Variants in DNAH1 observed in about 807,000 individuals in gnomAD.
DNAH1 encodes the protein dynein axonemal heavy chain 1.
Under a neutral mutation model 484.3 loss-of-function variants are expected in DNAH1, and 327 were observed. That is an observed-to-expected ratio of 0.68 (90% CI 0.62 to 0.74). The LOEUF is 0.74. Among genes scored for constraint, DNAH1 ranks in the 30% least tolerant of loss-of-function variants. The pLI is 0.00. For missense variants in DNAH1, 5,052 were observed against 5,546.8 expected, an observed-to-expected ratio of 0.91 and a Z score of 2.83; for synonymous variants, 2,192 against 2,191.9, an observed-to-expected ratio of 1.00 and a Z score of 0.00.
chr3:52,335,929 C>T lies in DNAH1; in HGVS notation c.1286+3535C>T, dbSNP rs567765991. On this transcript the variant is annotated intron_variant, in intron 8 of 77. Coordinates refer to ENST00000420323, the MANE Select transcript of DNAH1 (RefSeq NM_015512.5). ...GATTACAGGCCTGAGCCACCGCACC[C>T]GGCCCCTTTTTCCCATTTTTTAAAT... Among the ~76,000 whole-genome samples, 61 of 152,302 alleles carry T rather than the reference C, an allele frequency of 4.0e-4. 1 individual carries two copies. The highest frequency in any genetic ancestry group is 1.4e-3 in the African/African-American group (57 of 41,556).
rs377744924 is a variant in DNAH1, at chr3:52,373,029, G to A, written c.6961G>A (p.Gly2321Ser). 6 of 1,612,520 alleles carry A rather than the reference G, an allele frequency of 3.7e-6. No homozygotes were observed. The highest frequency in any genetic ancestry group is 1.3e-5 in the African/African-American group (1 of 74,926). Residue 2321 changes from glycine (G) to serine (S), a missense_variant, in exon 44 of 78, where the codon GGC (glycine) becomes AGC (serine). By Grantham distance (56) the Gly-to-Ser change is moderately conservative (BLOSUM62 0). Transcript: ENST00000420323. ...GTTGCGCCAGTGGATGGACCACGGC[G>A]GCTGGTACGACCGCAAGATCATTGG... ...ELLRQWMDHG[G>S]WYDRKIIGAF...
chr3:52,318,574 G>A (rs1200943977), intron 1 of DNAH1, among the ~76,000 whole-genome samples: 1 of 152,248 alleles, frequency 6.6e-6, no homozygotes, highest in African/African-American at 2.4e-5. Context: ...GGCACCAGCT[G>A]TGTGCCAAGC....
At position 52,332,528 on chromosome 3, in the gene DNAH1, C is replaced by G; in HGVS notation, c.1286+134C>G. ...TTGAGACTGTCCTGGCTATTGCCCT[C>G]TGGACTTGTTGGGGCCTCAAACAAT... On this transcript the variant is annotated intron_variant, in intron 8 of 77. Transcript: ENST00000420323. 3 of 1,349,822 alleles carry G rather than the reference C, an allele frequency of 2.2e-6. No homozygotes were observed. In the South Asian group the frequency reaches 4.4e-5, roughly 20 times the overall value. 83.6% of individuals were successfully genotyped at this position (1,349,822 alleles called of 1,614,324 possible).
chr3:52,325,465 T>G (rs1342537519), intron 3 of DNAH1, among the ~76,000 whole-genome samples: 3 of 152,094 alleles, frequency 2.0e-5, no homozygotes, highest in African/African-American at 7.2e-5. Context: ...TCTCCCCACC[T>G]CTGTGGTCTC....
At chr3:52,373,102 C>A in intron 44 of DNAH1, 49 bp downstream of exon 44, 2 of 1,552,600 alleles carry the variant, frequency 1.3e-6, no homozygotes, top group South Asian at 1.2e-5. Context: ...GCGTGCTGTG[C>A]AGGGGCACAG....
At chr3:52,372,513 GC>G in intron 43 of DNAH1, 126 bp downstream of exon 43, 1 of 1,306,348 alleles carries the variant, frequency 7.7e-7, no homozygotes, top group Non-Finnish European at 1.0e-6. Context: ...GGAGCTGACA[GC>G]CCCCCAATGG....
At chr3:52,338,864 A>G (rs1479438186) in intron 8 of DNAH1, among the ~76,000 whole-genome samples, 1 of 150,506 alleles carries the variant, frequency 6.6e-6, no homozygotes, top group African/African-American at 2.4e-5. Context: ...CATCTCTACT[A>G]AAAATACAAA....
Position 52,360,435 on chromosome 3 carries a change from C to A in DNAH1, c.4685+11C>A. 3 of 1,605,296 alleles carry A rather than the reference C, an allele frequency of 1.9e-6. No individual in the cohort carries two copies. The highest frequency in any genetic ancestry group is 2.6e-6 in the Non-Finnish European group (3 of 1,172,776). On this transcript the variant is annotated intron_variant, in intron 28 of 77. Coordinates refer to ENST00000420323, the MANE Select transcript of DNAH1 (RefSeq NM_015512.5). ...GCCCCTCACCGACAGGTAAGCGTTC[C>A]CCTCTTGCTCCTTCCCACACTGAGA...
rs375094563 is a variant in DNAH1, at chr3:52,363,062, C to A, written c.5162C>A (p.Ser1721Tyr). The stretch of plus-strand genomic sequence containing the variant: ...ATGATCACTGAGATCTCCCTCTATT[C>A]CTTTGGCTTTAATGAGGCCAGTGTG... ...YAMITEISLY[S>Y]FGFNEASVLA... Residue 1721 changes from serine to tyrosine, a missense_variant, in exon 32 of 78, where the codon TCC (serine) becomes TAC (tyrosine). Ser to Tyr is a moderately radical substitution (Grantham distance 144, BLOSUM62 -2). This residue lies in a region of DNAH1 where 2,929 missense variants were observed against 3,409.4 expected (regional missense o/e 0.86). Transcript: ENST00000420323. The A allele has an allele frequency of 1.6e-4, 266 of 1,613,886 alleles. No homozygotes were observed. Among genetic ancestry groups the A allele is most frequent in the Non-Finnish European group, 2.2e-4 (260 of 1,179,882 alleles).
Position 52,331,219 on chromosome 3 carries a change from A to C in DNAH1, c.943A>C (p.Lys315Gln), listed in dbSNP as rs1553628025. Residue 315 changes from lysine (K) to glutamine (Q), a missense_variant, in exon 7 of 78, where the codon AAG (lysine) becomes CAG (glutamine). Around this residue, in one of 4 missense-constraint regions of DNAH1, gnomAD observed 1,263 missense variants for 1,218.8 expected, o/e 1.04. Transcript: ENST00000420323. Reference sequence around the variant, plus strand: ...CGTCCTGGACTACGACGAGGAGAAGAAGCTATACCTGGTACACAAGACAGA... The same window carrying C: ...CGTCCTGGACTACGACGAGGAGAAGCAGCTATACCTGGTACACAAGACAGA... ...VGVLDYDEEK[K>Q]LYLVHKTDEK... 1 of 1,610,732 alleles carries C rather than the reference A, an allele frequency of 6.2e-7. No individual in the cohort carries two copies. The highest frequency in any genetic ancestry group is 8.5e-7 in the Non-Finnish European group (1 of 1,178,548).
Position 52,391,508 on chromosome 3 carries a change from C to T in DNAH1, c.9957C>T (p.Asp3319=). ...LGDTVIPYHE[D]FRMYITTKLP... ...ACACGGTGATCCCCTACCATGAGGA[C>T]TTCAGGATGTACATCACCACCAAGC... The change falls in exon 63 of 78, where the codon GAC becomes GAT. Residue 3319 remains aspartate, a synonymous_variant. Coordinates refer to ENST00000420323, the MANE Select transcript of DNAH1 (RefSeq NM_015512.5). 1.9e-6 allele frequency: 3 copies of T among 1,613,774 alleles called. No homozygotes were observed. Among genetic ancestry groups the T allele is most frequent in the South Asian group, 1.1e-5 (1 of 91,056 alleles).
chr3:52,386,963 G>A (rs1347155382), intron 56 of DNAH1, 110 bp downstream of exon 56: 6 of 1,182,882 alleles, frequency 5.1e-6, no homozygotes, highest in Non-Finnish European at 4.7e-6. Flanking sequence ...CATGTGCAGT[G>A]GCCTCTGTCC....
chr3:52,326,281 C>T lies in DNAH1; in HGVS notation c.548C>T (p.Pro183Leu), dbSNP rs181177631. 53 of 1,610,936 alleles carry T rather than the reference C, an allele frequency of 3.3e-5. No homozygotes were observed. The highest frequency in any genetic ancestry group is 2.5e-4 in the Admixed American group (15 of 60,012). ...ATGCAGGTGCCTTTCCAGGTGCTGC[C>T]AGGCCAGCATCCTCGCAAGATTGAG... is the stretch of plus-strand genomic sequence containing the variant. ...PKMQVPFQVL[P>L]GQHPRKIEIE... Residue 183 changes from proline to leucine, a missense_variant, in exon 4 of 78, where the codon CCA (proline) becomes CTA (leucine). Physicochemically the swap from Pro to Leu is moderately conservative, Grantham distance 98. Coordinates refer to ENST00000420323, the MANE Select transcript of DNAH1 (RefSeq NM_015512.5).
intron 65 of DNAH1, 93 bp from the exon 66 acceptor site, chr3:52,393,241 C>T (rs948204112): frequency 3.4e-5 from 53 of 1,575,588 alleles, no homozygotes; most frequent in African/African-American, 1.8e-4. Context: ...GCTGCCCCTA[C>T]GGCTGCTGGG....
chr3:52,375,172 G>C, intron 44 of DNAH1, 68 bp from the exon 45 acceptor site: 1 of 1,499,544 alleles, frequency 6.7e-7, no homozygotes, highest in Non-Finnish European at 9.0e-7. Context: ...TTTGTATGGA[G>C]AAGGGGCCAC....
Position 52,381,899 on chromosome 3 carries a change from C to T in DNAH1, c.7805+63C>T, listed in dbSNP as rs1029860838. The T allele has an allele frequency of 2.7e-6, 4 of 1,503,818 alleles. No individual in the cohort carries two copies. Among genetic ancestry groups the T allele is most frequent in the Non-Finnish European group, 3.6e-6 (4 of 1,120,092 alleles). The allele number at this position is 1,503,818 out of a possible 1,614,324, so 93.2% of individuals were successfully genotyped here. A position where few individuals can be genotyped will look rare whatever the true frequency, so the allele number is the denominator to read the frequency against. On this transcript the variant is annotated intron_variant, in intron 49 of 77. Transcript: ENST00000420323. This position sits in a 1 kb window ranked among gnomAD's most constrained non-coding sequence, Gnocchi z 4.1. Reference sequence around the variant, plus strand: ...AGGGCTGGCTGGTCGGTTTGACTGACCCATGCTTTTGCACAGTGGTAGAGG... The same window carrying T: ...AGGGCTGGCTGGTCGGTTTGACTGATCCATGCTTTTGCACAGTGGTAGAGG...
rs754000985 is a variant in DNAH1, at chr3:52,358,701, C to T, written c.4230C>T (p.His1410=). The change falls in exon 25 of 78, where the codon CAC becomes CAT. Residue 1410 remains histidine, a synonymous_variant. Transcript: ENST00000420323. This position sits in a 1 kb window ranked among gnomAD's most constrained non-coding sequence, Gnocchi z 4.2. ...AGCGCAGCATGAAGGCCAGTGTGCA[C>T]GACATCATTGAGAAGGCCATCAGGG... ...EVERSMKASV[H]DIIEKAIRAY... is the part of the protein sequence containing the mutation. The T allele has an allele frequency of 3.7e-5, 59 of 1,612,838 alleles. No individual in the cohort carries two copies. Among genetic ancestry groups the T allele is most frequent in the Non-Finnish European group, 4.4e-5 (52 of 1,179,736 alleles).
chr3:52,391,379 T>C, intron 62 of DNAH1, 51 bp downstream of exon 62: 2 of 1,589,412 alleles, frequency 1.3e-6, no homozygotes, highest in African/African-American at 2.7e-5. Context: ...GACAGGGCAG[T>C]CCCCTTCCCC....
chr3:52,329,923 C>G (rs543839180), intron 6 of DNAH1, among the ~76,000 whole-genome samples: 1 of 152,058 alleles, frequency 6.6e-6, no homozygotes, highest in South Asian at 2.1e-4. Context: ...ATTTTTGTGC[C>G]TCAGCCTCCC....
Sources: allele counts gnomAD v4.1 joint callset (sites outside exome capture counted in the v4.1 genomes callset), GRCh38; gene constraint gnomAD v4.1.1; regional missense constraint gnomAD v4.1.1; non-coding constraint Gnocchi (gnomAD v3.1); transcripts MANE v1.5; gene names NCBI Gene and HGNC (gene_info 2026-07-23, HGNC 2026-07-21).